BICRAL: variants seen among roughly 807,000 people sequenced by gnomAD.
The protein encoded by BICRAL is BRD4-interacting chromatin-remodeling complex-associated protein-like.
Under a neutral mutation model 91.8 loss-of-function variants are expected in BICRAL, and 8 were observed. The ratio of observed to expected loss-of-function variants is 0.09; its 90% CI spans 0.05 to 0.16. The LOEUF is 0.16. Among genes scored for constraint, BICRAL ranks in the 10% least tolerant of loss-of-function variants. BICRAL has a pLI of 1.00. For missense variants in BICRAL, 1,038 were observed against 1,310.9 expected, an observed-to-expected ratio of 0.79 and a Z score of 3.21; for synonymous variants, 445 against 491.1, an observed-to-expected ratio of 0.91 and a Z score of 1.24.
Position 42,802,897 on chromosome 6 carries a change from T to C in BICRAL, c.-101-7409T>C, listed in dbSNP as rs75548066. Among the ~76,000 whole-genome samples, 99 of 152,264 alleles carry C rather than the reference T, an allele frequency of 6.5e-4. 2 individuals carry two copies. The East Asian group carries it at 0.015, about 23-fold the overall frequency. On this transcript the variant is annotated intron_variant, in intron 1 of 12. Coordinates refer to ENST00000314073, the MANE Select transcript of BICRAL (RefSeq NM_001393499.1). The stretch of plus-strand genomic sequence containing the variant: ...CACCCGGCTCCTCATTTCTCAATCA[T>C]TTCCTGTGTATGGTTTTCCATAGTT...
chr6:42,860,355 T>C lies in BICRAL; in HGVS notation c.2348T>C (p.Met783Thr), dbSNP rs766294829. The change falls in exon 11 of 13, where the codon ATG (methionine) becomes ACG (threonine). Residue 783 changes from methionine (M) to threonine (T), a missense_variant and splice_region_variant. Met to Thr is a moderately conservative substitution (Grantham distance 81, BLOSUM62 -1). Coordinates refer to ENST00000314073, the MANE Select transcript of BICRAL (RefSeq NM_001393499.1). ...KYRCLLLEDA[M>T]RINPSAEMVM... ...AGATGCCTGCTCCTAGAAGATGCCA[T>C]GGTAAAAGTCATGCTACTGATATTT... 1 of 1,584,424 alleles carries C rather than the reference T, an allele frequency of 6.3e-7. No individual in the cohort carries two copies. The highest frequency in any genetic ancestry group is 1.1e-5 in the South Asian group (1 of 90,164).
At chr6:42,811,607 G>A (rs967093412) in intron 2 of BICRAL, among the ~76,000 whole-genome samples, 38 of 149,678 alleles carry the variant, frequency 2.5e-4, no homozygotes, top group African/African-American at 8.1e-4. Flanking sequence ...CTGACAGAGC[G>A]AGACTCCATC....
intron 1 of BICRAL, among the ~76,000 whole-genome samples, chr6:42,749,486 G>T (rs1029269306): frequency 6.6e-6 from 1 of 152,148 alleles, no homozygotes; most frequent in South Asian, 2.1e-4. Context: ...AGCCTAATTC[G>T]AGTTAACAAT....
chr6:42,783,566 C>T (rs1037532635), intron 1 of BICRAL, among the ~76,000 whole-genome samples: 1 of 152,024 alleles, frequency 6.6e-6, no homozygotes, highest in Admixed American at 6.5e-5. Flanking sequence ...ATGACCAGGG[C>T]GCCGCGAGGC....
chr6:42,863,078 A>G (rs1367018593), intron 12 of BICRAL, among the ~76,000 whole-genome samples: 1 of 138,714 alleles, frequency 7.2e-6, no homozygotes, highest in Non-Finnish European at 1.5e-5. Flanking sequence ...GAGACGGAGT[A>G]TCGCTCTGTC....
chr6:42,750,615 G>A (rs1395483348), intron 1 of BICRAL, among the ~76,000 whole-genome samples: 2 of 152,030 alleles, frequency 1.3e-5, no homozygotes, highest in African/African-American at 2.4e-5. Context: ...TTGCTCTGTC[G>A]CCCAGGCTGG....
At chr6:42,821,569 T>C (rs566873020) in intron 2 of BICRAL, among the ~76,000 whole-genome samples, 2 of 152,192 alleles carry the variant, frequency 1.3e-5, no homozygotes, top group East Asian at 1.9e-4. Context: ...AGCCAGAATA[T>C]GGCAAAAAAT....
intron 1 of BICRAL, among the ~76,000 whole-genome samples, chr6:42,801,917 A>G (rs1763585449): frequency 6.6e-6 from 1 of 152,088 alleles, no homozygotes; most frequent in South Asian, 2.1e-4. Context: ...GTTCCCTAAA[A>G]TAAATTCCCT....
chr6:42,794,794 C>CAAAAAAAA (rs1207429482), intron 1 of BICRAL, among the ~76,000 whole-genome samples: 1 of 95,250 alleles, frequency 1.0e-5, no homozygotes, highest in African/African-American at 4.4e-5. Context: ...ACTAAAAATA[C>CAAAAAAAA]AAAAAAAAAA....
In BICRAL at chr6:42,865,638, C is replaced by T. The variant is rs896688992; in HGVS notation, c.*192C>T. On this transcript the variant is annotated 3_prime_UTR_variant, in exon 13 of 13. Transcript: ENST00000314073. ...TTAAGAGCAATACTTGTCGTGATTACAGGGAGATCCTTTAGTAAAATTAAT... is the reference window on the plus strand; with the variant it reads ...TTAAGAGCAATACTTGTCGTGATTATAGGGAGATCCTTTAGTAAAATTAAT... 9.0e-6 allele frequency: 5 copies of T among 556,320 alleles called. No homozygotes were observed. Among genetic ancestry groups the T allele is most frequent in the Non-Finnish European group, 1.3e-5 (4 of 314,872 alleles). The allele number at this position is 556,320 out of a possible 1,614,324, so 34.5% of individuals were successfully genotyped here.
intron 1 of BICRAL, among the ~76,000 whole-genome samples, chr6:42,796,117 A>G (rs1433843346): frequency 6.6e-6 from 1 of 152,250 alleles, no homozygotes; most frequent in African/African-American, 2.4e-5. Context: ...CTAGGCTCCC[A>G]GGATGCTGCA....
At chr6:42,747,058 G>C (rs1355084360) in intron 1 of BICRAL, 1 of 152,350 alleles carries the variant, frequency 6.6e-6, no homozygotes, top group Non-Finnish European at 1.5e-5. Context: ...TGGCTCTCTG[G>C]GGCGGTCGGT....
At chr6:42,820,826 G>A (rs1000087928) in intron 2 of BICRAL, among the ~76,000 whole-genome samples, 2 of 152,082 alleles carry the variant, frequency 1.3e-5, no homozygotes, top group East Asian at 1.9e-4. Flanking sequence ...GAATTCAGCC[G>A]CCAAGGGGAA....
At chr6:42,830,541 A>G (rs1686559882) in intron 6 of BICRAL, among the ~76,000 whole-genome samples, 1 of 151,268 alleles carries the variant, frequency 6.6e-6, no homozygotes, top group African/African-American at 2.4e-5. Flanking sequence ...ACTGGGTGAT[A>G]GAGTGAGACC....
At chr6:42,852,534 C>T (rs768142607) in intron 7 of BICRAL, 14 of 398,936 alleles carry the variant, frequency 3.5e-5, no homozygotes, top group East Asian at 6.8e-5. Flanking sequence ...TGGTGGCACA[C>T]GCCCGTAATC....
At chr6:42,788,819 A>G (rs554394718) in intron 1 of BICRAL, among the ~76,000 whole-genome samples, 1 of 152,286 alleles carries the variant, frequency 6.6e-6, no homozygotes, top group Non-Finnish European at 1.5e-5. Context: ...AATGCTGGGC[A>G]TTGTTGAATC....
In BICRAL at chr6:42,865,470, C is replaced by G; in HGVS notation, c.*24C>G. 6.9e-7 allele frequency: 1 copy of G among 1,442,156 alleles called. No individual in the cohort carries two copies. Among genetic ancestry groups the G allele is most frequent in the Non-Finnish European group, 9.6e-7 (1 of 1,036,836 alleles). The allele number at this position is 1,442,156 out of a possible 1,614,324, so 89.3% of individuals were successfully genotyped here. On this transcript the variant is annotated 3_prime_UTR_variant, in exon 13 of 13. Coordinates refer to ENST00000314073, the MANE Select transcript of BICRAL (RefSeq NM_001393499.1). ...AATAGCAGCAGTCCTCCCCCTACCC[C>G]GCCCCGAGACCCCACCCCGAGACCC...
chr6:42,790,680 C>G (rs1046778197), intron 1 of BICRAL, among the ~76,000 whole-genome samples: 1 of 151,874 alleles, frequency 6.6e-6, no homozygotes, highest in Non-Finnish European at 1.5e-5. Flanking sequence ...TTCAAAATAG[C>G]TGTCTACATT....
rs1018220912 is a variant in BICRAL at position 42,867,541 on chromosome 6, C to G, written c.*2095C>G. 3.3e-5 allele frequency: 5 copies of G among 152,500 alleles called. No individual in the cohort carries two copies. The highest frequency in any genetic ancestry group is 4.1e-4 in the South Asian group (2 of 4,824). The allele number at this position is 152,500 out of a possible 1,614,324, so 9.4% of individuals were successfully genotyped here. ...CCTTGGGGCTCATGCTCCCCTAATT[C>G]CTAGCAAGATGATCCTTCCTAATCA... On this transcript the variant is annotated 3_prime_UTR_variant, in exon 13 of 13. Transcript: ENST00000314073.
Sources: allele counts gnomAD v4.1 joint callset (sites outside exome capture counted in the v4.1 genomes callset), GRCh38; gene constraint gnomAD v4.1.1; transcripts MANE v1.5; gene names NCBI Gene and HGNC (gene_info 2026-07-23, HGNC 2026-07-21).